Variants in MOSPD1 observed in about 807,000 individuals in gnomAD.
The protein encoded by MOSPD1 is motile sperm domain containing 1.
MOSPD1 carries 5 observed loss-of-function variants against 16.7 expected under a neutral mutation model. The observed-to-expected ratio is 0.30, with a 90% CI of 0.16 to 0.63. MOSPD1 has a LOEUF of 0.63. MOSPD1 is among the 30% of genes least tolerant of loss of function. MOSPD1 has a pLI of 0.82. For synonymous variants in MOSPD1, 67 were observed against 59.2 expected, an observed-to-expected ratio of 1.13 and a Z score of -0.61; for missense variants, 104 against 153.6, an observed-to-expected ratio of 0.68 and a Z score of 1.71.
chrX:134,902,907 T>G (rs976357625), intron 1 of MOSPD1, among the ~76,000 whole-genome samples: 2 of 109,722 alleles, frequency 1.8e-5, no homozygotes, highest in African/African-American at 6.6e-5. Context: ...GGCTTCCGAT[T>G]AAATAATTCT....
intron 3 of MOSPD1, among the ~76,000 whole-genome samples, chrX:134,898,310 T>G (rs187929445): frequency 8.9e-6 from 1 of 112,629 alleles, no homozygotes; most frequent in African/African-American, 3.2e-5. Context: ...TAATAGCTCT[T>G]GCTTACTGTG....
chrX:134,900,553 A>G (rs1045483088), intron 1 of MOSPD1, among the ~76,000 whole-genome samples: 1 of 111,868 alleles, frequency 8.9e-6, no homozygotes, highest in Non-Finnish European at 1.9e-5. Context: ...TCAAGTACAC[A>G]TGCTTTGTGA....
At chrX:134,903,883 C>T (rs1229244024) in intron 1 of MOSPD1, among the ~76,000 whole-genome samples, 1 of 110,526 alleles carries the variant, frequency 9.0e-6, no homozygotes, top group Non-Finnish European at 1.9e-5. Flanking sequence ...ACTAAAAATA[C>T]AGACATTAGC....
At chrX:134,903,793 C>T (rs2082927115) in intron 1 of MOSPD1, among the ~76,000 whole-genome samples, 1 of 109,224 alleles carries the variant, frequency 9.2e-6, no homozygotes, top group Non-Finnish European at 1.9e-5. Flanking sequence ...GTAATCCCAA[C>T]ACTTTGGGAG....
At chrX:134,905,267 GC>G (rs1348274945) in intron 1 of MOSPD1, among the ~76,000 whole-genome samples, 1 of 108,338 alleles carries the variant, frequency 9.2e-6, no homozygotes, top group Non-Finnish European at 1.9e-5. Context: ...TACTCAGGAG[GC>G]TGAGGAAGGA....
At chrX:134,913,935 T>G (rs1000119311) in intron 1 of MOSPD1, among the ~76,000 whole-genome samples, 2 of 112,014 alleles carry the variant, frequency 1.8e-5, no homozygotes, top group Non-Finnish European at 3.8e-5. Context: ...CTACCAACTA[T>G]AAGTGTAATC....
chrX:134,896,299 C>G (rs760723637), intron 4 of MOSPD1, among the ~76,000 whole-genome samples: 25 of 111,010 alleles, frequency 2.3e-4, no homozygotes, highest in Admixed American at 7.7e-4. Context: ...CAATTAATAG[C>G]CCACAGGGGA....
rs994898569 is a variant in MOSPD1, at chrX:134,915,173, G to C, written c.-102+9C>G. The C allele has an allele frequency of 8.9e-6, 1 of 112,513 alleles. No homozygotes were observed. Among genetic ancestry groups the C allele is most frequent in the Non-Finnish European group, 1.9e-5 (1 of 53,225 alleles). The allele number at this position is 112,513 out of a possible 1,213,427, so 9.3% of individuals were successfully genotyped here. A position where few individuals can be genotyped will look rare whatever the true frequency, so the allele number is the denominator to read the frequency against. ...GGAAGTGGGTGACGGGACGGTGGGG[G>C]ACTCTCACCTCGGCAACACCGGCTT... On this transcript the variant is annotated intron_variant, in intron 1 of 5. Transcript: ENST00000370783.
chrX:134,903,197 G>GTATA (rs907247231), intron 1 of MOSPD1, among the ~76,000 whole-genome samples: 2 of 110,139 alleles, frequency 1.8e-5, no homozygotes, highest in African/African-American at 6.6e-5. Flanking sequence ...ATAAATGCTG[G>GTATA]CTAAATCAGG....
intron 4 of MOSPD1, among the ~76,000 whole-genome samples, chrX:134,895,794 T>G (rs2082882510): frequency 9.0e-6 from 1 of 110,654 alleles, no homozygotes; most frequent in African/African-American, 3.3e-5. Flanking sequence ...ATTTTGCAAT[T>G]AAAAGTAATG....
At chrX:134,894,779 C>T (rs779392070) in intron 4 of MOSPD1, among the ~76,000 whole-genome samples, 12 of 111,752 alleles carry the variant, frequency 1.1e-4, no homozygotes, top group Non-Finnish European at 1.5e-4. Flanking sequence ...CCCACAGACC[C>T]TCACCAGACC....
intron 3 of MOSPD1, among the ~76,000 whole-genome samples, chrX:134,897,752 A>G (rs1161916167): frequency 2.7e-5 from 3 of 111,652 alleles, no homozygotes; most frequent in Non-Finnish European, 5.6e-5. Flanking sequence ...ATTGAATTCC[A>G]TGTATGCAGG....
intron 1 of MOSPD1, among the ~76,000 whole-genome samples, chrX:134,909,778 T>C (rs1359970306): frequency 8.9e-6 from 1 of 112,040 alleles, no homozygotes; most frequent in Non-Finnish European, 1.9e-5. Flanking sequence ...TGTTTTTATA[T>C]ATTTTCTAGA....
chrX:134,894,264 G>A (rs974480327), intron 4 of MOSPD1, among the ~76,000 whole-genome samples: 3 of 111,320 alleles, frequency 2.7e-5, no homozygotes, highest in African/African-American at 6.5e-5. Context: ...TTTTTTTCTC[G>A]TTTTTACTGA....
At chrX:134,908,376 A>T (rs2082953781) in intron 1 of MOSPD1, among the ~76,000 whole-genome samples, 1 of 112,048 alleles carries the variant, frequency 8.9e-6, no homozygotes, top group Non-Finnish European at 1.9e-5. Flanking sequence ...GTAAATCTTA[A>T]GTGGCTGCTC....
At chrX:134,909,620 C>T (rs1006777887) in intron 1 of MOSPD1, among the ~76,000 whole-genome samples, 7 of 112,188 alleles carry the variant, frequency 6.2e-5, no homozygotes, top group African/African-American at 2.3e-4. Flanking sequence ...TCCTTCCCTC[C>T]CACTTCATAA....
In MOSPD1 at chrX:134,888,622, A is replaced by G. The variant is rs766910427; in HGVS notation, c.*539T>C. 7 of 112,072 alleles carry G rather than the reference A, an allele frequency of 6.2e-5. No homozygotes were observed. Among genetic ancestry groups the G allele is most frequent in the Non-Finnish European group, 1.1e-4 (6 of 53,140 alleles). 9.2% of individuals were successfully genotyped at this position (112,072 alleles called of 1,213,427 possible). A position where few individuals can be genotyped will look rare whatever the true frequency, so the allele number is the denominator to read the frequency against. On this transcript the variant is annotated 3_prime_UTR_variant, in exon 6 of 6. Transcript: ENST00000370783. Reference sequence around the variant, plus strand: ...CTCTCTTCTGTGAGACCCTAGGATAAGCATGATCCCTTAGTACTTTATGCT... The same window carrying G: ...CTCTCTTCTGTGAGACCCTAGGATAGGCATGATCCCTTAGTACTTTATGCT...
chrX:134,890,074 C>CA (rs10691243), intron 5 of MOSPD1, among the ~76,000 whole-genome samples: 8,707 of 56,913 alleles, frequency 0.15, 1,220 homozygotes, highest in African/African-American at 0.41. Flanking sequence ...GACTTTATCT[C>CA]AAAAAAAAAA....
chrX:134,910,315 G>A (rs1329844268), intron 1 of MOSPD1, among the ~76,000 whole-genome samples: 2 of 110,436 alleles, frequency 1.8e-5, no homozygotes, highest in East Asian at 5.6e-4. Context: ...TGAGGCAAGA[G>A]AATCACTTGA....
Sources: allele counts gnomAD v4.1 joint callset (sites outside exome capture counted in the v4.1 genomes callset), GRCh38; gene constraint gnomAD v4.1.1; transcripts MANE v1.5; gene names NCBI Gene and HGNC (gene_info 2026-07-23, HGNC 2026-07-21).